VCAN: variants seen among roughly 807,000 people sequenced by gnomAD.
VCAN encodes the protein versican.
In VCAN, 44 loss-of-function variants were observed where a neutral mutation model predicts 245.5. That is an observed-to-expected ratio of 0.18 (90% CI 0.14 to 0.23). VCAN has a LOEUF of 0.23. VCAN is among the 10% of genes least tolerant of loss of function. The pLI is 1.00. For missense variants in VCAN, 3,793 were observed against 4,057.9 expected (o/e 0.93, Z 1.77); for synonymous variants, 1,413 against 1,437.0 (o/e 0.98, Z 0.38).
chr5:83,487,126 C>T (rs1580600025), intron 2 of VCAN, among the ~76,000 whole-genome samples: 2 of 152,054 alleles, frequency 1.3e-5, no homozygotes, highest in East Asian at 1.9e-4. Flanking sequence ...TTTGATGTTC[C>T]CCTTATAGTA....
rs776293278 is a variant in VCAN, at chr5:83,541,380, A to G, written c.8377A>G (p.Thr2793Ala). Residue 2793 changes from threonine to alanine, a missense_variant, in exon 8 of 15, where the codon ACA becomes GCA. By Grantham distance (58) the Thr-to-Ala change is moderately conservative (BLOSUM62 0). Around this residue, in one of 5 missense-constraint regions of VCAN, gnomAD observed 3,182 missense variants for 3,250.3 expected, o/e 0.98. Coordinates refer to ENST00000265077, the MANE Select transcript of VCAN (RefSeq NM_004385.5). The part of the protein sequence containing the change: ...ATTHLMDQSV[T>A]EVPDVMEGSN... Reference sequence around the variant, plus strand: ...TACCCACCTTATGGATCAGAGTGTAACAGAGGTGCCTGATGTGATGGAAGG... The same window carrying G: ...TACCCACCTTATGGATCAGAGTGTAGCAGAGGTGCCTGATGTGATGGAAGG... 8.1e-6 allele frequency: 13 copies of G among 1,614,008 alleles called. No homozygotes were observed. The Admixed American group carries it at 1.0e-4, about 12-fold the overall frequency.
chr5:83,512,663 G>A (rs1745705453), intron 6 of VCAN: 1 of 366,684 alleles, frequency 2.7e-6, no homozygotes, highest in Non-Finnish European at 4.9e-6. Flanking sequence ...GAGCCACAGA[G>A]CATTTTTCTA....
At chr5:83,563,791 T>C (rs1747968748) in intron 12 of VCAN, among the ~76,000 whole-genome samples, 1 of 152,138 alleles carries the variant, frequency 6.6e-6, no homozygotes, top group South Asian at 2.1e-4. Context: ...CATGTTTTCA[T>C]AGCTAATCTA....
intron 5 of VCAN, among the ~76,000 whole-genome samples, chr5:83,503,875 A>G (rs146416336): frequency 6.6e-6 from 1 of 152,300 alleles, no homozygotes; most frequent in East Asian, 1.9e-4. Flanking sequence ...CTTTAATCAT[A>G]TTGTTGAGTG....
In VCAN at chr5:83,541,788, C is replaced by T; in HGVS notation, c.8785C>T (p.Leu2929Phe). The change falls in exon 8 of 15, where the codon CTC (leucine) becomes TTC (phenylalanine). Residue 2929 changes from leucine (L) to phenylalanine (F), a missense_variant. By Grantham distance (22) the Leu-to-Phe change is conservative. Around this residue, in one of 5 missense-constraint regions of VCAN, gnomAD observed 3,182 missense variants for 3,250.3 expected, o/e 0.98. Coordinates refer to ENST00000265077, the MANE Select transcript of VCAN (RefSeq NM_004385.5). ...TATTGCTGTGGAAGGAACTGAGATT[C>T]TCCAAGATTTCCAAAACAAAACCGA... is the stretch of plus-strand genomic sequence containing the variant. Reference protein sequence around the residue: ...ELIAVEGTEILQDFQNKTDGQ... With the variant: ...ELIAVEGTEIFQDFQNKTDGQ... 3.1e-6 allele frequency: 5 copies of T among 1,614,092 alleles called. No homozygotes were observed. The highest frequency in any genetic ancestry group is 3.4e-6 in the Non-Finnish European group (4 of 1,179,994).
chr5:83,542,480 G>A (rs1747043915), intron 8 of VCAN, among the ~76,000 whole-genome samples: 2 of 152,078 alleles, frequency 1.3e-5, no homozygotes, highest in Admixed American at 1.3e-4. Flanking sequence ...AGTAGACTTT[G>A]TATTTTTCTG....
In VCAN at chr5:83,520,043, C is replaced by A; in HGVS notation, c.1737C>A (p.Val579=). 1.9e-6 allele frequency: 3 copies of A among 1,614,026 alleles called. No individual in the cohort carries two copies. The South Asian group carries it at 3.3e-5, about 18-fold the overall frequency. ...STLIFDQIPE[V]ITVSKTSEDT... ...TGATCTTTGACCAAATTCCTGAAGT[C>A]ATTACGGTGTCAAAGACTTCAGAAG... The change falls in exon 7 of 15, where the codon GTC becomes GTA. Residue 579 remains valine (V), a synonymous_variant. Transcript: ENST00000265077.
Position 83,537,170 on chromosome 5 carries a change from T to TGAA in VCAN, c.4182_4184dup (p.Glu1395dup), listed in dbSNP as rs752532806. ...TAGACCTATACCACAGTGAAGAAAA[T>TGAA]GAAGAAGAAGAAGAAGAGTGTGCAA... On this transcript the variant is annotated inframe_insertion, in exon 8 of 15. Coordinates refer to ENST00000265077, the MANE Select transcript of VCAN (RefSeq NM_004385.5). The TGAA allele has an allele frequency of 1.6e-5, 26 of 1,613,320 alleles. 1 individual carries two copies. In the Middle Eastern group the frequency reaches 6.6e-4, roughly 41 times the overall value.
intron 8 of VCAN, 67 bp downstream of exon 8, chr5:83,542,335 A>T: frequency 6.7e-7 from 1 of 1,500,746 alleles, no homozygotes; most frequent in Non-Finnish European, 9.2e-7. Flanking sequence ...TAACGTTTAT[A>T]TGTATGTAAT....
chr5:83,559,005 A>G (rs3911457), intron 12 of VCAN, among the ~76,000 whole-genome samples: 16,140 of 152,098 alleles, frequency 0.11, 928 homozygotes, highest in African/African-American at 0.14. Flanking sequence ...TAACCTAGTT[A>G]TTCTTTAACT....
chr5:83,476,711 AC>A lies in VCAN; in HGVS notation c.-7+4689del, dbSNP rs1257423095. On this transcript the variant is annotated intron_variant, in intron 1 of 14. Transcript: ENST00000265077. Reference sequence around the variant, plus strand: ...GGGGTGCGTGTGTGTGTGTATGTATACAGGGTTTTTAAACACTGCTAAGTTC... The same window carrying A: ...GGGGTGCGTGTGTGTGTGTATGTATAAGGGTTTTTAAACACTGCTAAGTTC... Among the ~76,000 whole-genome samples the A allele has an allele frequency of 5.3e-5, 8 of 152,168 alleles. No homozygotes were observed. In the South Asian group the frequency reaches 1.2e-3, roughly 24 times the overall value.
At chr5:83,564,495 A>C (rs1747999458) in intron 12 of VCAN, among the ~76,000 whole-genome samples, 1 of 152,196 alleles carries the variant, frequency 6.6e-6, no homozygotes, top group African/African-American at 2.4e-5. Flanking sequence ...AGGATTTTTC[A>C]AATGCAGCAT....
rs372671446 is a variant in VCAN, at chr5:83,537,113, A to T, written c.4110A>T (p.Glu1370Asp). The T allele has an allele frequency of 6.2e-7, 1 of 1,613,786 alleles. No homozygotes were observed. The highest frequency in any genetic ancestry group is 1.3e-5 in the African/African-American group (1 of 74,918). Reference protein sequence around the residue: ...ETDPVHDLMAEILPEFPDIIE... With the variant: ...ETDPVHDLMADILPEFPDIIE... ...ATCCAGTGCATGATCTAATGGCTGA[A>T]ATTTTACCTGAATTCCCTGACATAA... Residue 1370 changes from glutamate to aspartate, a missense_variant, in exon 8 of 15, where the codon GAA becomes GAT. Coordinates refer to ENST00000265077, the MANE Select transcript of VCAN (RefSeq NM_004385.5).
At chr5:83,513,172 G>A (rs138142514) in intron 6 of VCAN, among the ~76,000 whole-genome samples, 24 of 152,228 alleles carry the variant, frequency 1.6e-4, no homozygotes, top group Non-Finnish European at 3.1e-4. Context: ...AATTAAACAA[G>A]CAAGTAATCT....
chr5:83,528,759 C>T (rs1017903494), intron 7 of VCAN, among the ~76,000 whole-genome samples: 7 of 152,078 alleles, frequency 4.6e-5, no homozygotes, highest in African/African-American at 1.7e-4. Context: ...AGGTTTATGA[C>T]ATCTTAATTC....
Position 83,538,245 on chromosome 5 carries a change from G to C in VCAN, c.5242G>C (p.Asp1748His), listed in dbSNP as rs955523836. The change falls in exon 8 of 15, where the codon GAT becomes CAT. Residue 1748 changes from aspartate to histidine, a missense_variant. This residue lies in a region of VCAN where 3,182 missense variants were observed against 3,250.3 expected (regional missense o/e 0.98). Coordinates refer to ENST00000265077, the MANE Select transcript of VCAN (RefSeq NM_004385.5). ...GGTATATTCATCTACACAGAGATCG[G>C]ATCAATTAATTTTACCCTTTGAATT... ...FEVYSSTQRSDQLILPFELES... is the reference protein window; with the variant it reads ...FEVYSSTQRSHQLILPFELES... 3 of 1,613,954 alleles carry C rather than the reference G, an allele frequency of 1.9e-6. No homozygotes were observed. Among genetic ancestry groups the C allele is most frequent in the East Asian group, 4.5e-5 (2 of 44,870 alleles).
intron 12 of VCAN, among the ~76,000 whole-genome samples, chr5:83,564,461 C>A (rs1747998502): frequency 6.6e-6 from 1 of 152,094 alleles, no homozygotes; most frequent in South Asian, 2.1e-4. Context: ...ATACTGTGAT[C>A]CTGAAAGTTA....
Position 83,542,197 on chromosome 5 carries a change from C to T in VCAN, c.9194C>T (p.Thr3065Ile), listed in dbSNP as rs749179761. The stretch of plus-strand genomic sequence containing the variant: ...ACACCACCATTTTCCCTTCTGGAGA[C>T]TTCTAATGAAACAGATTTCCTGATT... ...VATPPFSLLE[T>I]SNETDFLIGI... The change falls in exon 8 of 15, where the codon ACT becomes ATT. Residue 3065 changes from threonine (T) to isoleucine (I), a missense_variant. Around this residue, in one of 5 missense-constraint regions of VCAN, gnomAD observed 3,182 missense variants for 3,250.3 expected, o/e 0.98. Coordinates refer to ENST00000265077, the MANE Select transcript of VCAN (RefSeq NM_004385.5). 1.9e-6 allele frequency: 3 copies of T among 1,613,960 alleles called. No individual in the cohort carries two copies. In the African/African-American group the frequency reaches 4.0e-5, roughly 22 times the overall value.
chr5:83,552,681 G>A (rs1747513698), intron 10 of VCAN, among the ~76,000 whole-genome samples: 2 of 151,962 alleles, frequency 1.3e-5, no homozygotes, highest in Admixed American at 1.3e-4. Flanking sequence ...TATATGACCT[G>A]GTGGAATGGG....
Sources: allele counts gnomAD v4.1 joint callset (sites outside exome capture counted in the v4.1 genomes callset), GRCh38; gene constraint gnomAD v4.1.1; regional missense constraint gnomAD v4.1.1; transcripts MANE v1.5; gene names NCBI Gene and HGNC (gene_info 2026-07-23, HGNC 2026-07-21).